The following ZNF143 variants were observed in gnomAD, a reference collection of about 807,000 sequenced individuals.
ZNF143 encodes the protein zinc finger protein 143.
In ZNF143, 49 loss-of-function variants were observed where a neutral mutation model predicts 74.1. The observed-to-expected ratio is 0.66, with a 90% CI of 0.53 to 0.84. The LOEUF (loss-of-function observed/expected upper bound fraction) is 0.84. Ranked by LOEUF, ZNF143 falls within the 40% of genes least tolerant of loss-of-function variation. ZNF143 has a pLI of 0.00. For missense variants in ZNF143, 637 were observed against 793.4 expected, an observed-to-expected ratio of 0.80 and a Z score of 2.37; for synonymous variants, 304 against 282.8, an observed-to-expected ratio of 1.07 and a Z score of -0.75.
rs929152125 is a variant in ZNF143 at position 9,494,539 on chromosome 11, G to A, written c.646-107G>A. ...TTGCCCAGGCTGCTCTTGAACTCCT[G>A]GGCTCAAATGATCCGCCTACCTCTG... On this transcript the variant is annotated intron_variant, in intron 7 of 15. Coordinates refer to ENST00000396602, the MANE Select transcript of ZNF143 (RefSeq NM_003442.6). 15 of 1,121,604 alleles carry A rather than the reference G, an allele frequency of 1.3e-5. No homozygotes were observed. In the East Asian group the frequency reaches 3.5e-4, roughly 26 times the overall value. The allele number at this position is 1,121,604 out of a possible 1,614,324, so 69.5% of individuals were successfully genotyped here.
chr11:9,513,387 C>T (rs1265024530), intron 13 of ZNF143, among the ~76,000 whole-genome samples: 2 of 152,210 alleles, frequency 1.3e-5, no homozygotes, highest in East Asian at 1.9e-4. Context: ...TCACACTATA[C>T]TCTCTGTCCT....
At chr11:9,474,454 TATA>T in intron 4 of ZNF143, 93 bp from the exon 5 acceptor site, 9 of 1,210,212 alleles carry the variant, frequency 7.4e-6, no homozygotes, top group Non-Finnish European at 1.1e-5. Flanking sequence ...TATAGATTGT[TATA>T]ATGTGTTAAT....
intron 5 of ZNF143, among the ~76,000 whole-genome samples, chr11:9,477,348 G>A (rs893541563): frequency 6.6e-6 from 1 of 151,744 alleles, no homozygotes; most frequent in Admixed American, 6.6e-5. Flanking sequence ...TCCACATCCT[G>A]GGTTCAAGCG....
Position 9,527,742 on chromosome 11 carries a change from G to A in ZNF143, c.*129G>A. 5.3e-6 allele frequency: 4 copies of A among 750,246 alleles called. No homozygotes were observed. The highest frequency in any genetic ancestry group is 8.8e-6 in the Non-Finnish European group (4 of 454,990). The allele number at this position is 750,246 out of a possible 1,614,324, so 46.5% of individuals were successfully genotyped here. ...ATACACTGTACACATTTTTATGCGAGAGTGGAGAACATTTTATTCTTGACA... is the reference window on the plus strand; with the variant it reads ...ATACACTGTACACATTTTTATGCGAAAGTGGAGAACATTTTATTCTTGACA... On this transcript the variant is annotated 3_prime_UTR_variant, in exon 16 of 16. Coordinates refer to ENST00000396602, the MANE Select transcript of ZNF143 (RefSeq NM_003442.6).
At chr11:9,481,608 C>T (rs1565033790) in intron 7 of ZNF143, among the ~76,000 whole-genome samples, 1 of 152,002 alleles carries the variant, frequency 6.6e-6, no homozygotes, top group Non-Finnish European at 1.5e-5. Flanking sequence ...CAGTTGTAGG[C>T]TGGGTCCAGT....
At chr11:9,509,777 T>C (rs1848476286) in intron 12 of ZNF143, among the ~76,000 whole-genome samples, 2 of 152,170 alleles carry the variant, frequency 1.3e-5, no homozygotes. Flanking sequence ...ATTCCATCAG[T>C]CTTCATGGTG....
chr11:9,522,155 A>C (rs1366983100), intron 14 of ZNF143, among the ~76,000 whole-genome samples: 4 of 152,124 alleles, frequency 2.6e-5, no homozygotes, highest in Non-Finnish European at 4.4e-5. Flanking sequence ...AAAAAGGTTT[A>C]AATTGAATGA....
chr11:9,490,067 C>G (rs2134012516), intron 7 of ZNF143, among the ~76,000 whole-genome samples: 1 of 152,048 alleles, frequency 6.6e-6, no homozygotes, highest in African/African-American at 2.4e-5. Flanking sequence ...ACCTGTTGTC[C>G]TAACTACGTG....
intron 5 of ZNF143, among the ~76,000 whole-genome samples, chr11:9,476,129 C>G (rs754692238): frequency 6.6e-6 from 1 of 151,920 alleles, no homozygotes; most frequent in Non-Finnish European, 1.5e-5. Flanking sequence ...AGCTCTGCAA[C>G]CAGACTATGT....
At chr11:9,462,656 C>A (rs1179564755) in intron 1 of ZNF143, among the ~76,000 whole-genome samples, 1 of 152,022 alleles carries the variant, frequency 6.6e-6, no homozygotes, top group Admixed American at 6.6e-5. Flanking sequence ...AGCGGATCAC[C>A]TGAGGTCAGG....
chr11:9,497,902 C>T (rs1345451074), intron 10 of ZNF143, 102 bp downstream of exon 10: 6 of 908,568 alleles, frequency 6.6e-6, no homozygotes, highest in African/African-American at 1.9e-5. Context: ...GCAATCTTGG[C>T]TCACTGCAAG....
intron 11 of ZNF143, 141 bp downstream of exon 11, chr11:9,501,411 G>A: frequency 2.1e-6 from 2 of 959,854 alleles, no homozygotes; most frequent in Non-Finnish European, 3.1e-6. Context: ...ACTTGAAAAA[G>A]TTTCACCTTA....
intron 14 of ZNF143, among the ~76,000 whole-genome samples, chr11:9,517,885 G>T (rs993850548): frequency 6.6e-6 from 1 of 152,008 alleles, no homozygotes; most frequent in Non-Finnish European, 1.5e-5. Context: ...TGATAAATTG[G>T]ACTTAATCAA....
At chr11:9,515,097 C>T (rs1848677126) in intron 13 of ZNF143, among the ~76,000 whole-genome samples, 1 of 152,094 alleles carries the variant, frequency 6.6e-6, no homozygotes, top group South Asian at 2.1e-4. Context: ...CATTGCACTC[C>T]AGCCTGGGCA....
At chr11:9,479,608 T>G in intron 7 of ZNF143, 62 bp downstream of exon 7, 2 of 1,403,732 alleles carry the variant, frequency 1.4e-6, no homozygotes, top group South Asian at 2.4e-5. Flanking sequence ...CTTCTGTGGA[T>G]GAAAGCAAGA....
intron 15 of ZNF143, 40 bp downstream of exon 15, chr11:9,525,426 C>CT: frequency 2.5e-6 from 4 of 1,612,694 alleles, no homozygotes; most frequent in Non-Finnish European, 3.4e-6. Context: ...GACAGCAGTG[C>CT]TGCTCATAGC....
rs777285359 is a variant in ZNF143 at position 9,511,102 on chromosome 11, CTTTTTTTTTTTTT to C, written c.1376-1333_1376-1321del. On this transcript the variant is annotated intron_variant, in intron 12 of 15. Coordinates refer to ENST00000396602, the MANE Select transcript of ZNF143 (RefSeq NM_003442.6). ...TAGTCTTAACCACTTTTAACAGCTTCTTTTTTTTTTTTTTTTTTTTTTTTTGAGACGGAGTTTC... is the reference window on the plus strand; with the variant it reads ...TAGTCTTAACCACTTTTAACAGCTTCTTTTTTTTTTTTGAGACGGAGTTTC... 9.9e-5 allele frequency among the ~76,000 whole-genome samples: 7 copies of C among 70,748 alleles called. No individual in the cohort carries two copies. In the South Asian group the frequency reaches 2.9e-3, roughly 29 times the overall value. The allele number at this position is 70,748 out of a possible 152,430, so 46.4% of individuals were successfully genotyped here.
At chr11:9,496,159 C>A in intron 8 of ZNF143, 144 bp from the exon 9 acceptor site, 1 of 664,826 alleles carries the variant, frequency 1.5e-6, no homozygotes, top group Non-Finnish European at 2.6e-6. Context: ...ATTGGGCTAT[C>A]GTTTTTGTGA....
chr11:9,486,156 G>A (rs75374896), intron 7 of ZNF143, among the ~76,000 whole-genome samples: 5,522 of 147,466 alleles, frequency 0.037, 491 homozygotes, highest in African/African-American at 0.13. Context: ...ATAGCCATGG[G>A]GGCCAATTAG....
Sources: gnomAD v4.1 joint callset for allele counts (sites outside exome capture counted in the v4.1 genomes callset) on GRCh38, gnomAD v4.1.1 for gene constraint, MANE v1.5 for transcripts, NCBI Gene and HGNC (gene_info 2026-07-23, HGNC 2026-07-21) for gene names.